KIAA1217: variants seen among roughly 807,000 people sequenced by gnomAD.
KIAA1217 encodes sickle tail protein homolog.
In KIAA1217, 88 loss-of-function variants were observed where a neutral mutation model predicts 163.9. The observed-to-expected ratio is 0.54, with a 90% CI of 0.45 to 0.64. The LOEUF (loss-of-function observed/expected upper bound fraction) is 0.64. Ranked by LOEUF, KIAA1217 falls within the 30% of genes least tolerant of loss-of-function variation. The pLI is 0.00. For missense variants in KIAA1217, 2,372 were observed against 2,475.0 expected (o/e 0.96, Z 0.88); for synonymous variants, 903 against 923.1 (o/e 0.98, Z 0.39).
At chr10:24,084,005 G>C (rs1220239634) in intron 2 of KIAA1217, among the ~76,000 whole-genome samples, 1 of 152,176 alleles carries the variant, frequency 6.6e-6, no homozygotes, top group Non-Finnish European at 1.5e-5. Context: ...AAATATTACA[G>C]AGAGTTGTTG....
chr10:23,890,447 T>A (rs150198699), intron 1 of KIAA1217, among the ~76,000 whole-genome samples: 5 of 151,912 alleles, frequency 3.3e-5, no homozygotes, highest in African/African-American at 1.2e-4. Context: ...AAAATAGATA[T>A]GTAAAATTAT....
At chr10:24,187,049 T>A (rs2066467450) in intron 2 of KIAA1217, among the ~76,000 whole-genome samples, 1 of 152,140 alleles carries the variant, frequency 6.6e-6, no homozygotes, top group Non-Finnish European at 1.5e-5. Flanking sequence ...GGTGCCTCAT[T>A]TTTACGATGG....
At chr10:24,467,729 T>C (rs2063090977) in intron 5 of KIAA1217, among the ~76,000 whole-genome samples, 1 of 152,068 alleles carries the variant, frequency 6.6e-6, no homozygotes, top group African/African-American at 2.4e-5. Flanking sequence ...ATTAGTAGCA[T>C]CAGAGAGATC....
chr10:24,141,207 T>G (rs1003057005), intron 2 of KIAA1217, among the ~76,000 whole-genome samples: 1 of 147,522 alleles, frequency 6.8e-6, no homozygotes, highest in African/African-American at 2.5e-5. Context: ...AGTCTCTTAA[T>G]GCTCAGAGAA....
At chr10:24,271,330 G>GA (rs936272970) in intron 2 of KIAA1217, among the ~76,000 whole-genome samples, 3 of 151,978 alleles carry the variant, frequency 2.0e-5, no homozygotes, top group Non-Finnish European at 2.9e-5. Context: ...CATATATATT[G>GA]AAAAAACCTC....
rs183652407 is a variant in KIAA1217, at chr10:24,254,884, T to C, written c.354+34975T>C. On this transcript the variant is annotated intron_variant, in intron 2 of 20. Transcript: ENST00000376454. ...TTTTTTTTTTTTTGAGACGGAGTCT[T>C]ACTCTGTCACCCAGGCTGGAGTGCA... is the stretch of plus-strand genomic sequence containing the variant. Among the ~76,000 whole-genome samples, 17 of 151,976 alleles carry C rather than the reference T, an allele frequency of 1.1e-4. No homozygotes were observed. The East Asian group carries it at 3.3e-3, about 29-fold the overall frequency.
intron 1 of KIAA1217, among the ~76,000 whole-genome samples, chr10:23,856,143 T>C (rs1260184334): frequency 6.6e-6 from 1 of 152,230 alleles, no homozygotes; most frequent in Non-Finnish European, 1.5e-5. Flanking sequence ...TATGTGGTTT[T>C]ATCTGCTTTT....
chr10:24,364,793 T>A (rs2050542455), intron 2 of KIAA1217, among the ~76,000 whole-genome samples: 1 of 152,064 alleles, frequency 6.6e-6, no homozygotes, highest in Non-Finnish European at 1.5e-5. Flanking sequence ...TCCTTTCTTT[T>A]TTTTTTGTTT....
intron 1 of KIAA1217, among the ~76,000 whole-genome samples, chr10:23,940,072 A>G (rs1454515213): frequency 4.6e-5 from 7 of 152,042 alleles, no homozygotes; most frequent in Non-Finnish European, 2.9e-5. Flanking sequence ...AAATGGATCA[A>G]TCATCAAGAG....
chr10:24,400,655 C>T (rs1375693072), intron 3 of KIAA1217, among the ~76,000 whole-genome samples: 1 of 152,086 alleles, frequency 6.6e-6, no homozygotes, highest in Non-Finnish European at 1.5e-5. Flanking sequence ...TATACATTAA[C>T]CTAAAAGTAA....
intron 1 of KIAA1217, among the ~76,000 whole-genome samples, chr10:23,997,039 A>G (rs1347630102): frequency 6.6e-6 from 1 of 152,172 alleles, no homozygotes; most frequent in Admixed American, 6.5e-5. Flanking sequence ...GAATTGAAAA[A>G]CAGCACAGCT....
intron 2 of KIAA1217, among the ~76,000 whole-genome samples, chr10:24,277,098 T>C (rs2077390510): frequency 6.6e-6 from 1 of 152,186 alleles, no homozygotes; most frequent in African/African-American, 2.4e-5. Flanking sequence ...CTTAAAATGT[T>C]TTATCCTCTT....
At chr10:24,343,213 C>T (rs1187081282) in intron 2 of KIAA1217, among the ~76,000 whole-genome samples, 3 of 152,080 alleles carry the variant, frequency 2.0e-5, no homozygotes, top group African/African-American at 7.2e-5. Flanking sequence ...ACAAATCTTA[C>T]CAGAAATGTT....
intron 1 of KIAA1217, among the ~76,000 whole-genome samples, chr10:23,983,795 AG>A (rs1384782778): frequency 1.3e-5 from 2 of 152,168 alleles, no homozygotes; most frequent in Non-Finnish European, 1.5e-5. Context: ...GACTCCAAAA[AG>A]TTTCATCTTA....
chr10:23,954,559 T>G (rs1171862164), intron 1 of KIAA1217, among the ~76,000 whole-genome samples: 1 of 149,290 alleles, frequency 6.7e-6, no homozygotes, highest in Non-Finnish European at 1.5e-5. Flanking sequence ...AAAGAGATTC[T>G]GTCTCAAAAA....
chr10:24,311,746 G>C (rs2133046669), intron 2 of KIAA1217, among the ~76,000 whole-genome samples: 1 of 152,152 alleles, frequency 6.6e-6, no homozygotes, highest in Non-Finnish European at 1.5e-5. Flanking sequence ...TTGTCATCTG[G>C]GGGGACAAAG....
chr10:24,387,307 A>AT (rs1375467618), intron 3 of KIAA1217, among the ~76,000 whole-genome samples: 2 of 152,232 alleles, frequency 1.3e-5, no homozygotes, highest in African/African-American at 4.8e-5. Flanking sequence ...CAAAAACCAC[A>AT]TGATTATCTC....
chr10:23,940,460 C>CAAAAAAAAAAAAAAAAATAA (rs1843716127), intron 1 of KIAA1217, among the ~76,000 whole-genome samples: 1 of 46,028 alleles, frequency 2.2e-5, no homozygotes, highest in African/African-American at 6.3e-5. Flanking sequence ...GACTCCGTCT[C>CAAAAAAAAAAAAAAAAATAA]AAAAAAAAAA....
intron 2 of KIAA1217, among the ~76,000 whole-genome samples, chr10:24,056,334 A>G (rs1006902403): frequency 2.6e-5 from 4 of 152,134 alleles, no homozygotes; most frequent in Non-Finnish European, 5.9e-5. Context: ...TCTCAAAAAA[A>G]CAAACAAAAA....
Sources: allele counts gnomAD v4.1 joint callset (sites outside exome capture counted in the v4.1 genomes callset), GRCh38; gene constraint gnomAD v4.1.1; transcripts MANE v1.5; gene names NCBI Gene and HGNC (gene_info 2026-07-23, HGNC 2026-07-21).